Variants in KIF1A observed in about 807,000 individuals in gnomAD.
KIF1A encodes kinesin family member 1A.
A neutral mutation model predicts 227.3 loss-of-function variants in KIF1A; 46 were observed. That is an observed-to-expected ratio of 0.20 (90% confidence interval 0.16 to 0.26). The LOEUF (loss-of-function observed/expected upper bound fraction) is 0.26, where lower values mean the gene tolerates loss of function less well. Among genes scored for constraint, KIF1A ranks in the 10% least tolerant of loss-of-function variants. The probability of loss-of-function intolerance (pLI) is 1.00; values close to 1 mark genes in which losing one functional copy is unlikely to be tolerated. For missense variants in KIF1A, 1,683 were observed against 2,485.9 expected, an observed-to-expected ratio of 0.68 and a Z score of 6.87; for synonymous variants, 1,022 against 1,012.8, an observed-to-expected ratio of 1.01 and a Z score of -0.17.
At chr2:240,741,221 C>T (rs536373510) in intron 35 of KIF1A, 48 bp downstream of exon 35, 1 of 1,300,118 alleles carries the variant, frequency 7.7e-7, no homozygotes. Flanking sequence ...TCTCCGCGCA[C>T]CCCCCGACAC....
chr2:240,744,121 G>A, intron 32 of KIF1A, 61 bp from the exon 33 acceptor site: 3 of 1,137,060 alleles, frequency 2.6e-6, no homozygotes, highest in Non-Finnish European at 4.0e-6. Context: ...AAGGGGGAAG[G>A]AGAGTCACAT....
intron 38 of KIF1A, among the ~76,000 whole-genome samples, chr2:240,732,746 G>A (rs535283451): frequency 3.6e-4 from 35 of 97,284 alleles, no homozygotes; most frequent in Non-Finnish European, 4.2e-4. Flanking sequence ...AGGGAGGGAT[G>A]AAGGGATAAG....
intron 38 of KIF1A, chr2:240,734,630 A>T: frequency 1.0e-6 from 1 of 966,502 alleles, no homozygotes; most frequent in Non-Finnish European, 1.5e-6. Flanking sequence ...TTAACTTCTC[A>T]GGGGCATGGG....
chr2:240,797,579 C>G, intron 2 of KIF1A, 68 bp downstream of exon 2: 1 of 1,118,172 alleles, frequency 8.9e-7, no homozygotes, highest in South Asian at 1.3e-5. Flanking sequence ...GAGCCTGGCC[C>G]ATAGGCACAG....
chr2:240,785,687 C>A (rs538464478), intron 6 of KIF1A, among the ~76,000 whole-genome samples: 94 of 152,342 alleles, frequency 6.2e-4, no homozygotes, highest in East Asian at 1.9e-3. Context: ...AGCACGGAGT[C>A]ACAATGACGG....
chr2:240,779,564 ACTCAGTTCCT>A (rs1559521125), intron 10 of KIF1A, among the ~76,000 whole-genome samples: 1 of 140,378 alleles, frequency 7.1e-6, no homozygotes, highest in Non-Finnish European at 1.5e-5. Flanking sequence ...TCAGTTCCTC[ACTCAGTTCCT>A]CAGTTCCTCA....
chr2:240,807,108 GTGTGTGTGTGTGTGTGTGTGTGTA>G (rs1480781199), intron 1 of KIF1A, among the ~76,000 whole-genome samples: 6 of 95,376 alleles, frequency 6.3e-5, no homozygotes, highest in African/African-American at 1.0e-4. Context: ...GTGTGTGTGT[GTGTGTGTGTGTGTGTGTGTGTGTA>G]TATATATATA....
chr2:240,774,958 G>A lies in KIF1A; in HGVS notation c.959-697C>T, dbSNP rs3755537. Reference sequence around the variant, plus strand: ...GGGTCCCCATAGGGACTGAAGAGACGGTGTGAAGGGCTGGGCACATACCAC... The same window carrying A: ...GGGTCCCCATAGGGACTGAAGAGACAGTGTGAAGGGCTGGGCACATACCAC... On this transcript the variant is annotated intron_variant, in intron 11 of 48. Coordinates refer to ENST00000498729, the MANE Select transcript of KIF1A (RefSeq NM_001244008.2). 9.1e-3 allele frequency among the ~76,000 whole-genome samples: 1,379 copies of A among 152,274 alleles called. 32 individuals carry two copies. The highest frequency in any genetic ancestry group is 0.076 in the East Asian group (394 of 5,168).
chr2:240,778,717 A>T lies in KIF1A; in HGVS notation c.883-2791T>A, dbSNP rs1021138386. On this transcript the variant is annotated intron_variant, in intron 10 of 48. Coordinates refer to ENST00000498729, the MANE Select transcript of KIF1A (RefSeq NM_001244008.2). This position sits in a 1 kb window ranked among gnomAD's most constrained non-coding sequence, Gnocchi z 7.2. The stretch of plus-strand genomic sequence containing the variant: ...CGCAGCTTCCCATCCAGCTCCTCAC[A>T]CTCCCCGACAACCCCTCGCACACGT... Among the ~76,000 whole-genome samples the T allele has an allele frequency of 4.3e-5, 6 of 140,790 alleles. No individual in the cohort carries two copies. The highest frequency in any genetic ancestry group is 7.7e-5 in the Non-Finnish European group (5 of 65,306). The allele number at this position is 140,790 out of a possible 152,430, so 92.4% of individuals were successfully genotyped here.
In KIF1A at chr2:240,789,340, G is replaced by A. The variant is rs763953085; in HGVS notation, c.107-28C>T. On this transcript the variant is annotated intron_variant, in intron 2 of 48. Transcript: ENST00000498729. This position sits in a 1 kb window ranked among gnomAD's most constrained non-coding sequence, Gnocchi z 4.8. Reference sequence around the variant, plus strand: ...GTGGGAGGGAACACAGGTGGTTAGCGCTGTGCTGGGAGGGCCCCTGACTAG... The same window carrying A: ...GTGGGAGGGAACACAGGTGGTTAGCACTGTGCTGGGAGGGCCCCTGACTAG... 37 of 1,584,878 alleles carry A rather than the reference G, an allele frequency of 2.3e-5. No individual in the cohort carries two copies. The highest frequency in any genetic ancestry group is 1.7e-4 in the Middle Eastern group (1 of 6,036).
chr2:240,731,772 G>A (rs1485605051), intron 38 of KIF1A, among the ~76,000 whole-genome samples: 2 of 152,106 alleles, frequency 1.3e-5, no homozygotes, highest in African/African-American at 2.4e-5. Context: ...TGACACTGTC[G>A]CTGGACTCTG....
At chr2:240,786,546 T>C (rs759240377) in intron 5 of KIF1A, 33 bp from the exon 6 acceptor site, 2 of 1,597,068 alleles carry the variant, frequency 1.3e-6, no homozygotes, top group South Asian at 2.2e-5. Context: ...CAGGGGCCCC[T>C]GAGGCGAGGG....
chr2:240,744,611 A>G (rs2048372548), intron 32 of KIF1A, among the ~76,000 whole-genome samples: 1 of 152,134 alleles, frequency 6.6e-6, no homozygotes, highest in Non-Finnish European at 1.5e-5. Context: ...GCAGAGGGGG[A>G]GGGCCATGTG....
intron 4 of KIF1A, 101 bp downstream of exon 4, chr2:240,787,950 C>G: frequency 2.6e-6 from 3 of 1,172,640 alleles, no homozygotes; most frequent in Non-Finnish European, 3.6e-6. Context: ...ACTCCCTGCT[C>G]TCTGGGGGCT....
intron 10 of KIF1A, among the ~76,000 whole-genome samples, chr2:240,780,445 A>G (rs902400960): frequency 6.6e-6 from 1 of 151,940 alleles, no homozygotes; most frequent in Non-Finnish European, 1.5e-5. Context: ...CCTTCTCCAC[A>G]CAGTCACATT....
In KIF1A at chr2:240,789,245, C is replaced by T. The variant is rs369088708; in HGVS notation, c.174G>A (p.Ser58=). Residue 58 remains serine, a synonymous_variant, in exon 3 of 49, where the codon TCG becomes TCA. Coordinates refer to ENST00000498729, the MANE Select transcript of KIF1A (RefSeq NM_001244008.2). The surrounding 1 kb of genome is among the most constrained non-coding windows in gnomAD (Gnocchi z 4.8). ...KSFSFDYSYW[S]HTSPEDINYA... ...CGGGGTCCCGGCTTACTGAGGTGTG[C>T]GACCAGTAGGAGTAGTCAAAGCTGA... is the stretch of plus-strand genomic sequence containing the variant. The T allele has an allele frequency of 3.1e-6, 5 of 1,613,448 alleles. No homozygotes were observed. The highest frequency in any genetic ancestry group is 1.6e-4 in the Middle Eastern group (1 of 6,080).
At chr2:240,785,780 G>A (rs1379101478) in intron 6 of KIF1A, among the ~76,000 whole-genome samples, 9 of 152,186 alleles carry the variant, frequency 5.9e-5, no homozygotes, top group East Asian at 1.9e-4. Flanking sequence ...GCAGGATGGC[G>A]CAGAGTGTGA....
rs185729048 is a variant in KIF1A at position 240,726,235 on chromosome 2, T to A, written c.4122+591A>T. Among the ~76,000 whole-genome samples the A allele has an allele frequency of 3.3e-5, 5 of 152,332 alleles. No homozygotes were observed. The highest frequency in any genetic ancestry group is 1.2e-4 in the African/African-American group (5 of 41,564). On this transcript the variant is annotated intron_variant, in intron 39 of 48. Coordinates refer to ENST00000498729, the MANE Select transcript of KIF1A (RefSeq NM_001244008.2). The surrounding 1 kb of genome is among the most constrained non-coding windows in gnomAD (Gnocchi z 5.2). ...TGTGCTGCCCGGAATGCAGACACAA[T>A]GTCTGGTGGTGCTGCAGCCATCTTG...
chr2:240,815,023 C>T (rs1001461737), intron 1 of KIF1A, among the ~76,000 whole-genome samples: 4 of 152,218 alleles, frequency 2.6e-5, no homozygotes, highest in South Asian at 2.1e-4. Flanking sequence ...GGGCCGTAAG[C>T]GTGCTCCTCT....
Sources: allele counts gnomAD v4.1 joint callset (sites outside exome capture counted in the v4.1 genomes callset), GRCh38; gene constraint gnomAD v4.1.1; non-coding constraint Gnocchi (gnomAD v3.1); transcripts MANE v1.5; gene names NCBI Gene and HGNC (gene_info 2026-07-23, HGNC 2026-07-21).